The following PCDH9 variants were observed in gnomAD, a reference collection of about 807,000 sequenced individuals.
The protein encoded by PCDH9 is protocadherin 9, also known as protocadherin-9.
In PCDH9, 24 loss-of-function variants were observed where a neutral mutation model predicts 70.6. The observed-to-expected ratio is 0.34, with a 90% confidence interval of 0.25 to 0.48. The LOEUF (loss-of-function observed/expected upper bound fraction) is 0.48, where lower values mean the gene tolerates loss of function less well. Ranked by LOEUF, PCDH9 falls within the 20% of genes least tolerant of loss-of-function variation. The pLI, the probability that PCDH9 is intolerant of heterozygous loss-of-function variation, is 0.99. For missense variants in PCDH9, 1,281 were observed against 1,503.6 expected (o/e 0.85, Z 2.45); for synonymous variants, 562 against 558.5 (o/e 1.01, Z -0.09).
At chr13:66,342,646 G>A (rs988973850) in intron 4 of PCDH9, among the ~76,000 whole-genome samples, 67 of 151,796 alleles carry the variant, frequency 4.4e-4, no homozygotes, top group African/African-American at 1.6e-3. Flanking sequence ...TTTTTGAGAC[G>A]GAGTCTCTCT....
At chr13:66,845,475 G>A (rs1172590764) in intron 3 of PCDH9, among the ~76,000 whole-genome samples, 1 of 152,222 alleles carries the variant, frequency 6.6e-6, no homozygotes, top group African/African-American at 2.4e-5. Context: ...GGGCAGGGAG[G>A]CTTCCTGGGT....
intron 4 of PCDH9, among the ~76,000 whole-genome samples, chr13:66,480,354 C>A (rs1254357514): frequency 2.6e-5 from 4 of 152,180 alleles, no homozygotes; most frequent in Non-Finnish European, 5.9e-5. Flanking sequence ...ATGGAATCTA[C>A]TCCTGGTGAA....
intron 2 of PCDH9, among the ~76,000 whole-genome samples, chr13:67,170,482 G>T (rs2088250273): frequency 6.6e-6 from 1 of 152,128 alleles, no homozygotes; most frequent in African/African-American, 2.4e-5. Context: ...ATGACCAGAA[G>T]TATAAAGTAA....
intron 4 of PCDH9, among the ~76,000 whole-genome samples, chr13:66,473,291 T>C (rs1958654031): frequency 6.6e-6 from 1 of 151,958 alleles, no homozygotes; most frequent in African/African-American, 2.4e-5. Flanking sequence ...TAGCAGGGAA[T>C]GGGAATTGAT....
chr13:66,481,839 G>A (rs138822344), intron 4 of PCDH9, among the ~76,000 whole-genome samples: 13 of 152,002 alleles, frequency 8.6e-5, no homozygotes, highest in African/African-American at 2.7e-4. Flanking sequence ...TAAAATCTCC[G>A]CATCTGTAAG....
At chr13:66,873,473 A>T (rs2081736428) in intron 3 of PCDH9, among the ~76,000 whole-genome samples, 1 of 152,152 alleles carries the variant, frequency 6.6e-6, no homozygotes, top group Admixed American at 6.6e-5. Flanking sequence ...TTTACTCACC[A>T]AGCCAACCTG....
intron 3 of PCDH9, among the ~76,000 whole-genome samples, chr13:66,801,599 T>C (rs2080328097): frequency 6.6e-6 from 1 of 152,040 alleles, no homozygotes; most frequent in South Asian, 2.1e-4. Flanking sequence ...GGTTGAGGAT[T>C]AAGGGGAAAA....
chr13:66,760,161 C>T (rs1173131172), intron 3 of PCDH9, among the ~76,000 whole-genome samples: 2 of 152,082 alleles, frequency 1.3e-5, no homozygotes, highest in Non-Finnish European at 2.9e-5. Context: ...CAGCAGTCTG[C>T]ATATATCATC....
chr13:66,379,708 C>T (rs1469333849), intron 4 of PCDH9, among the ~76,000 whole-genome samples: 1 of 152,024 alleles, frequency 6.6e-6, no homozygotes, highest in African/African-American at 2.4e-5. Flanking sequence ...AGTCAGAACT[C>T]GGCATAGTAT....
chr13:66,442,975 T>G (rs1958004008), intron 4 of PCDH9, among the ~76,000 whole-genome samples: 1 of 152,222 alleles, frequency 6.6e-6, no homozygotes, highest in Non-Finnish European at 1.5e-5. Flanking sequence ...TTTACACAGC[T>G]GCAGAAACTA....
intron 4 of PCDH9, among the ~76,000 whole-genome samples, chr13:66,607,966 C>T (rs556427867): frequency 3.3e-5 from 5 of 152,022 alleles, no homozygotes; most frequent in African/African-American, 9.6e-5. Flanking sequence ...TTCAAACACA[C>T]TGTAACATGG....
At chr13:67,160,285 C>G (rs1428315837) in intron 2 of PCDH9, among the ~76,000 whole-genome samples, 1 of 152,176 alleles carries the variant, frequency 6.6e-6, no homozygotes, top group East Asian at 1.9e-4. Context: ...GTGGCTCACG[C>G]CTGTAATCCC....
chr13:66,406,093 G>T (rs1957276523), intron 4 of PCDH9, among the ~76,000 whole-genome samples: 1 of 152,098 alleles, frequency 6.6e-6, no homozygotes. Context: ...CAGGATTGTG[G>T]ATAGTAAAAG....
intron 2 of PCDH9, among the ~76,000 whole-genome samples, chr13:66,977,050 T>C (rs2139760221): frequency 6.6e-6 from 1 of 152,278 alleles, no homozygotes; most frequent in South Asian, 2.1e-4. Context: ...ATGCTTTTCC[T>C]TACTTACCAG....
intron 3 of PCDH9, among the ~76,000 whole-genome samples, chr13:66,754,536 C>G (rs538059373): frequency 6.6e-6 from 1 of 151,926 alleles, no homozygotes; most frequent in South Asian, 2.1e-4. Context: ...TTTCAAGAAA[C>G]AGTTTATGAA....
At chr13:66,560,170 C>A (rs1369263881) in intron 4 of PCDH9, among the ~76,000 whole-genome samples, 1 of 152,052 alleles carries the variant, frequency 6.6e-6, no homozygotes, top group Non-Finnish European at 1.5e-5. Context: ...GCCTTCACAG[C>A]ATGTGCCGGG....
intron 2 of PCDH9, among the ~76,000 whole-genome samples, chr13:66,978,030 G>A (rs534064320): frequency 1.2e-4 from 19 of 152,118 alleles, no homozygotes; most frequent in South Asian, 8.3e-4. Flanking sequence ...AAGCCCTTTC[G>A]TAAGTGAAAA....
At chr13:66,478,994 G>A (rs1958785942) in intron 4 of PCDH9, among the ~76,000 whole-genome samples, 1 of 152,174 alleles carries the variant, frequency 6.6e-6, no homozygotes, top group South Asian at 2.1e-4. Flanking sequence ...TCAAAGAACA[G>A]GTTAACTCTC....
chr13:66,869,558 T>G (rs879716892), intron 3 of PCDH9, among the ~76,000 whole-genome samples: 3 of 152,180 alleles, frequency 2.0e-5, no homozygotes, highest in Admixed American at 2.0e-4. Flanking sequence ...ATCTTTCTTT[T>G]TTGCCCATAT....
Sources: gnomAD v4.1 joint callset for allele counts (sites outside exome capture counted in the v4.1 genomes callset) on GRCh38, gnomAD v4.1.1 for gene constraint, MANE v1.5 for transcripts, NCBI Gene and HGNC (gene_info 2026-07-23, HGNC 2026-07-21) for gene names.